PLS3: variants seen among roughly 807,000 people sequenced by gnomAD.
PLS3 encodes the protein plastin 3, also known as plastin-3.
In PLS3, 11 loss-of-function variants were observed where a neutral mutation model predicts 46.5. The observed-to-expected ratio is 0.24, with a 90% confidence interval of 0.15 to 0.39. The LOEUF (loss-of-function observed/expected upper bound fraction) is 0.39. Ranked by LOEUF, PLS3 falls within the 10% of genes least tolerant of loss-of-function variation. The pLI is 1.00. For synonymous variants in PLS3, 167 were observed against 162.2 expected, an observed-to-expected ratio of 1.03 and a Z score of -0.22; for missense variants, 308 against 461.8, an observed-to-expected ratio of 0.67 and a Z score of 3.05.
At chrX:115,602,740 A>G (rs192814668) in intron 1 of PLS3, among the ~76,000 whole-genome samples, 5 of 111,113 alleles carry the variant, frequency 4.5e-5, no homozygotes, top group African/African-American at 1.6e-4. Context: ...GACCTCAAGT[A>G]TGTGTTGCCC....
intron 11 of PLS3, 46 bp downstream of exon 11, chrX:115,645,145 T>C (rs1380029188): frequency 1.3e-6 from 1 of 750,335 alleles, no homozygotes. Flanking sequence ...ATGTCATGAA[T>C]GGATGTTAAA....
At chrX:115,626,434 G>A (rs143233783) in intron 3 of PLS3, among the ~76,000 whole-genome samples, 1,753 of 109,189 alleles carry the variant, frequency 0.016, 38 homozygotes, top group African/African-American at 0.056. Context: ...ACAGGCATGC[G>A]CCACCACGAC....
At chrX:115,619,657 C>A (rs892976396) in intron 2 of PLS3, among the ~76,000 whole-genome samples, 2 of 112,751 alleles carry the variant, frequency 1.8e-5, no homozygotes, top group South Asian at 7.3e-4. Flanking sequence ...CAAAGGAAAT[C>A]TAAGTGATTT....
intron 3 of PLS3, among the ~76,000 whole-genome samples, chrX:115,625,593 TA>T (rs66850665): frequency 0.026 from 2,564 of 98,782 alleles, 72 homozygotes; most frequent in African/African-American, 0.079. Context: ...GTTCTTTCTT[TA>T]AAAAAAAAAA....
Position 115,646,045 on chromosome X carries a change from C to CT in PLS3, c.1263-26dup, listed in dbSNP as rs782467583. On this transcript the variant is annotated intron_variant, in intron 11 of 15. Coordinates refer to ENST00000355899, the MANE Select transcript of PLS3 (RefSeq NM_005032.7). The stretch of plus-strand genomic sequence containing the variant: ...GTCAAGTCCCAGCTTCCTGAAAACA[C>CT]TGATTACATTATTTTTAAATCATTA... 4.5e-6 allele frequency: 4 copies of CT among 879,607 alleles called. No individual in the cohort carries two copies. In the African/African-American group the frequency reaches 8.0e-5, roughly 18 times the overall value. 72.5% of individuals were successfully genotyped at this position (879,607 alleles called of 1,213,427 possible).
chrX:115,588,276 T>C (rs1475156565), intron 1 of PLS3, among the ~76,000 whole-genome samples: 1 of 112,108 alleles, frequency 8.9e-6, no homozygotes, highest in Non-Finnish European at 1.9e-5. Flanking sequence ...CTGGAAAGCC[T>C]CTTAAAGTAT....
intron 3 of PLS3, among the ~76,000 whole-genome samples, 160 bp downstream of exon 3, chrX:115,622,569 G>A (rs1428726126): frequency 9.0e-6 from 1 of 111,480 alleles, no homozygotes; most frequent in Non-Finnish European, 1.9e-5. Context: ...ACTTCTTTTA[G>A]CTGCTGGAAT....
rs181782110 is a variant in PLS3, at chrX:115,647,918, C to G, written c.1661C>G (p.Ala554Gly). The G allele has an allele frequency of 8.3e-7, 1 of 1,200,966 alleles. No individual in the cohort carries two copies. Among genetic ancestry groups the G allele is most frequent in the South Asian group, 1.8e-5 (1 of 56,550 alleles). The change falls in exon 15 of 16, where the codon GCA becomes GGA. Residue 554 changes from alanine to glycine, a missense_variant. By Grantham distance (60) the Ala-to-Gly change is moderately conservative. Coordinates refer to ENST00000355899, the MANE Select transcript of PLS3 (RefSeq NM_005032.7). ...FKDKTISSSL[A>G]VVDLIDAIQP... is the part of the protein sequence containing the mutation. ...GACAAGACGATCAGCTCCAGTTTGGCAGTTGTGGATTTAATTGATGCCATC... is the reference window on the plus strand; with the variant it reads ...GACAAGACGATCAGCTCCAGTTTGGGAGTTGTGGATTTAATTGATGCCATC...
intron 1 of PLS3, among the ~76,000 whole-genome samples, chrX:115,584,099 G>A (rs868983076): frequency 5.6e-4 from 63 of 112,105 alleles, no homozygotes; most frequent in African/African-American, 1.7e-3. Context: ...ATCTTACAGA[G>A]TTAGCCAATG....
At chrX:115,616,443 G>A (rs782636677) in intron 2 of PLS3, among the ~76,000 whole-genome samples, 58 of 112,019 alleles carry the variant, frequency 5.2e-4, no homozygotes, top group African/African-American at 1.7e-3. Context: ...TTTGTAAAAC[G>A]AAACTACTTT....
chrX:115,612,176 A>G (rs1189776242), intron 2 of PLS3, among the ~76,000 whole-genome samples: 1 of 111,381 alleles, frequency 9.0e-6, no homozygotes, highest in Non-Finnish European at 1.9e-5. Flanking sequence ...ATGTACTGGG[A>G]TTTTTGTCAT....
At chrX:115,611,036 C>A in intron 2 of PLS3, 1 of 411,239 alleles carries the variant, frequency 2.4e-6, no homozygotes, top group Non-Finnish European at 4.3e-6. Context: ...TCAACATGTG[C>A]TTAGAGAGGT....
At position 115,636,715 on chromosome X, in the gene PLS3, G is replaced by A. The variant is rs1056650154; in HGVS notation, c.749-121G>A. 1.2e-5 allele frequency: 6 copies of A among 513,650 alleles called. No homozygotes were observed. In the African/African-American group the frequency reaches 1.2e-4, roughly 10 times the overall value. The allele number at this position is 513,650 out of a possible 1,213,427, so 42.3% of individuals were successfully genotyped here. On this transcript the variant is annotated intron_variant, in intron 7 of 15. Coordinates refer to ENST00000355899, the MANE Select transcript of PLS3 (RefSeq NM_005032.7). ...TAGATTATGAGTATCTTGAAACTAG[G>A]AACTATGTCATAGTAGTTTTTGCAC...
At chrX:115,578,642 G>A (rs1448630622) in intron 1 of PLS3, among the ~76,000 whole-genome samples, 6 of 96,195 alleles carry the variant, frequency 6.2e-5, no homozygotes, top group Admixed American at 4.7e-4. Flanking sequence ...GAAGAATGGC[G>A]TGAACCCGGG....
intron 9 of PLS3, among the ~76,000 whole-genome samples, chrX:115,642,169 A>C (rs1489781953): frequency 9.3e-6 from 1 of 107,275 alleles, no homozygotes; most frequent in Non-Finnish European, 1.9e-5. Flanking sequence ...GTGAGCCACC[A>C]CGTCCAACCA....
At chrX:115,576,901 T>C (rs1201174650) in intron 1 of PLS3, among the ~76,000 whole-genome samples, 2 of 112,658 alleles carry the variant, frequency 1.8e-5, no homozygotes, top group African/African-American at 6.4e-5. Flanking sequence ...CAGTGTGCCA[T>C]CGTTTGAAGA....
Position 115,622,249 on chromosome X carries a change from T to TC in PLS3, c.78dup (p.Asn27GlnfsTer8). ...CTTGCTCTCCTTTTTTACAAAGATCTCAACAGCAACGGATTCATTTGTGAC... is the reference window on the plus strand; with the variant it reads ...CTTGCTCTCCTTTTTTACAAAGATCTCCAACAGCAACGGATTCATTTGTGAC... On this transcript the variant is annotated frameshift_variant, in exon 3 of 16. Coordinates refer to ENST00000355899, the MANE Select transcript of PLS3 (RefSeq NM_005032.7). LOFTEE classifies it high-confidence loss of function. 8.4e-7 allele frequency: 1 copy of TC among 1,196,000 alleles called. No individual in the cohort carries two copies. Among genetic ancestry groups the TC allele is most frequent in the Non-Finnish European group, 1.1e-6 (1 of 888,853 alleles).
intron 1 of PLS3, among the ~76,000 whole-genome samples, chrX:115,584,618 T>C (rs1191515282): frequency 8.9e-5 from 10 of 112,186 alleles, no homozygotes; most frequent in Non-Finnish European, 1.9e-4. Flanking sequence ...TGAGGAATGT[T>C]ACTAGTTTAA....
rs1394156526 is a variant in PLS3 at position 115,603,227 on chromosome X, T to G, written c.-8-7016T>G. ...AGATGACTTCATAGGCATAAGATTCTTCTATGGGTGACGCCCTGAATTCAT... is the reference window on the plus strand; with the variant it reads ...AGATGACTTCATAGGCATAAGATTCGTCTATGGGTGACGCCCTGAATTCAT... On this transcript the variant is annotated intron_variant, in intron 1 of 15. Coordinates refer to ENST00000355899, the MANE Select transcript of PLS3 (RefSeq NM_005032.7). Among the ~76,000 whole-genome samples, 13 of 111,649 alleles carry G rather than the reference T, an allele frequency of 1.2e-4. No individual in the cohort carries two copies. The Admixed American group carries it at 1.2e-3, about 11-fold the overall frequency.
Sources: gnomAD v4.1 joint callset for allele counts (sites outside exome capture counted in the v4.1 genomes callset) on GRCh38, gnomAD v4.1.1 for gene constraint, MANE v1.5 for transcripts, NCBI Gene and HGNC (gene_info 2026-07-23, HGNC 2026-07-21) for gene names.